MTMR12: variants seen among roughly 807,000 people sequenced by gnomAD.
The protein encoded by MTMR12 is myotubularin related protein 12, also known as myotubularin-related protein 12.
A neutral mutation model predicts 96.7 loss-of-function variants in MTMR12; 33 were observed. The observed-to-expected ratio is 0.34, with a 90% CI of 0.26 to 0.46. The LOEUF (loss-of-function observed/expected upper bound fraction) is 0.46, where lower values mean the gene tolerates loss of function less well. MTMR12 is among the 20% of genes least tolerant of loss of function. The pLI is 1.00. For missense variants in MTMR12, 721 were observed against 896.1 expected (o/e 0.80, Z 2.49); for synonymous variants, 298 against 327.2 (o/e 0.91, Z 0.96).
intron 7 of MTMR12, among the ~76,000 whole-genome samples, chr5:32,260,794 T>A (rs1005045366): frequency 1.3e-5 from 2 of 151,528 alleles, no homozygotes; most frequent in Non-Finnish European, 2.9e-5. Flanking sequence ...TCAAAACTGA[T>A]TACTGAAGAG....
chr5:32,281,099 T>C (rs575124814), intron 1 of MTMR12, among the ~76,000 whole-genome samples: 56 of 151,532 alleles, frequency 3.7e-4, no homozygotes, highest in African/African-American at 1.2e-3. Context: ...AATACAAAAA[T>C]TGGCAGGATG....
intron 7 of MTMR12, among the ~76,000 whole-genome samples, chr5:32,256,121 A>G (rs918851217): frequency 3.9e-5 from 6 of 152,228 alleles, no homozygotes; most frequent in African/African-American, 1.4e-4. Context: ...CTCATATAGT[A>G]GCCATATAAG....
chr5:32,261,804 G>C (rs1749368101), intron 7 of MTMR12, among the ~76,000 whole-genome samples: 1 of 152,230 alleles, frequency 6.6e-6, no homozygotes, highest in Non-Finnish European at 1.5e-5. Flanking sequence ...CGGGCGCAAT[G>C]GCTCACACCT....
In MTMR12 at chr5:32,241,029, TGAAG is replaced by T. The variant is rs1201192027; in HGVS notation, c.1171+1024_1171+1027del. ...GACAATTCAGTAGTCCATCCAGGAG[TGAAG>T]GATTTCTCAGTTCTATCAGTCAAAG... On this transcript the variant is annotated intron_variant, in intron 12 of 15. Coordinates refer to ENST00000382142, the MANE Select transcript of MTMR12 (RefSeq NM_001040446.3). Among the ~76,000 whole-genome samples the T allele has an allele frequency of 4.5e-4, 69 of 152,092 alleles. 1 individual carries two copies. The East Asian group carries it at 9.9e-3, about 22-fold the overall frequency.
intron 10 of MTMR12, among the ~76,000 whole-genome samples, chr5:32,245,189 C>G (rs772305347): frequency 3.0e-4 from 45 of 152,184 alleles, no homozygotes; most frequent in Admixed American, 6.5e-5. Flanking sequence ...GTGCCCACCA[C>G]CATGCCTGGC....
chr5:32,287,158 T>C (rs1392027992), intron 1 of MTMR12, among the ~76,000 whole-genome samples: 1 of 152,206 alleles, frequency 6.6e-6, no homozygotes, highest in South Asian at 2.1e-4. Flanking sequence ...AGAATGGCCA[T>C]GTGATGGTTA....
chr5:32,258,867 G>T (rs1052681530), intron 7 of MTMR12, among the ~76,000 whole-genome samples: 4 of 134,312 alleles, frequency 3.0e-5, no homozygotes, highest in Admixed American at 8.2e-5. Flanking sequence ...TACACTGTTA[G>T]TTCATCGGTG....
chr5:32,243,592 A>G lies in MTMR12; in HGVS notation c.1029T>C (p.Ser343=), dbSNP rs1187959266. The change falls in exon 11 of 16, where the codon AGT becomes AGC. Residue 343 remains serine, a synonymous_variant. Coordinates refer to ENST00000382142, the MANE Select transcript of MTMR12 (RefSeq NM_001040446.3). ...TTATATCTGTGTCCCAAAATTCAGT[A>G]CTGTTATCTGAAAAAAGAAAAAGGA... The part of the protein sequence containing the change: ...KFKQLFLIDN[S]TEFWDTDIKW... The G allele has an allele frequency of 1.9e-6, 3 of 1,605,538 alleles. No homozygotes were observed. The highest frequency in any genetic ancestry group is 1.7e-5 in the Admixed American group (1 of 59,802).
At chr5:32,230,435 G>T in intron 15 of MTMR12, 88 bp from the exon 16 acceptor site, 1 of 1,256,486 alleles carries the variant, frequency 8.0e-7, no homozygotes, top group Non-Finnish European at 1.1e-6. Flanking sequence ...GCATAACCCT[G>T]CTTTAACAAG....
intron 6 of MTMR12, among the ~76,000 whole-genome samples, chr5:32,265,051 A>C (rs1488762614): frequency 6.6e-6 from 1 of 152,202 alleles, no homozygotes; most frequent in East Asian, 1.9e-4. Context: ...TAGGCAATGC[A>C]AGGAAGTCCT....
chr5:32,248,765 T>C lies in MTMR12; in HGVS notation c.896+7A>G, dbSNP rs1043777218. 6.2e-7 allele frequency: 1 copy of C among 1,608,722 alleles called. No individual in the cohort carries two copies. ...GAACAAGAACAAAATGTAGAACTAG[T>C]ACTGACCCATCTAAGAAGCTCTTTT... On this transcript the variant is annotated splice_region_variant and intron_variant, in intron 9 of 15. Coordinates refer to ENST00000382142, the MANE Select transcript of MTMR12 (RefSeq NM_001040446.3).
At chr5:32,297,090 G>A (rs955176316) in intron 1 of MTMR12, among the ~76,000 whole-genome samples, 6 of 148,052 alleles carry the variant, frequency 4.1e-5, no homozygotes, top group South Asian at 4.3e-4. Flanking sequence ...GTGACAGAGC[G>A]AGACTCCGTC....
At position 32,229,809 on chromosome 5, in the gene MTMR12, T is replaced by C. The variant is rs1747917876; in HGVS notation, c.2213A>G (p.Glu738Gly). The C allele has an allele frequency of 1.3e-6, 2 of 1,556,060 alleles. No homozygotes were observed. The highest frequency in any genetic ancestry group is 4.5e-5 in the East Asian group (2 of 44,290). ...ATCCCCTAGGTCCACGAACTCATCT[T>C]CTCGTTTGGCCAAATCGTCTTCATC... ...LGDEDDLAKR[E>G]DEFVDLGDV The change falls in exon 16 of 16, where the codon GAA (glutamate) becomes GGA (glycine). Residue 738 changes from glutamate (E) to glycine (G), a missense_variant. Physicochemically the swap from Glu to Gly is moderately conservative, Grantham distance 98. Coordinates refer to ENST00000382142, the MANE Select transcript of MTMR12 (RefSeq NM_001040446.3).
intron 1 of MTMR12, among the ~76,000 whole-genome samples, chr5:32,296,976 G>A (rs1331614185): frequency 1.3e-5 from 2 of 151,426 alleles, no homozygotes; most frequent in African/African-American, 2.4e-5. Context: ...GATGGCGGGC[G>A]CCTGTAGTCC....
chr5:32,261,424 C>T (rs186657579), intron 7 of MTMR12, among the ~76,000 whole-genome samples: 178 of 152,162 alleles, frequency 1.2e-3, no homozygotes, highest in Non-Finnish European at 1.8e-3. Flanking sequence ...GCTCCTCCCT[C>T]GGGTGTCCTC....
intron 1 of MTMR12, among the ~76,000 whole-genome samples, chr5:32,299,076 TACAC>T (rs1305155902): frequency 6.7e-6 from 1 of 149,328 alleles, no homozygotes; most frequent in African/African-American, 2.5e-5. Context: ...CACATACACA[TACAC>T]ACACACGCAC....
intron 1 of MTMR12, among the ~76,000 whole-genome samples, chr5:32,302,941 C>A (rs528261765): frequency 2.0e-5 from 3 of 152,250 alleles, no homozygotes; most frequent in South Asian, 4.1e-4. Flanking sequence ...GAAAGAGTTA[C>A]CACACAAGGA....
intron 7 of MTMR12, 143 bp downstream of exon 7, chr5:32,262,970 G>T: frequency 2.0e-6 from 2 of 1,005,516 alleles, no homozygotes; most frequent in Non-Finnish European, 2.8e-6. Context: ...GACAGCCAAT[G>T]GGTATGGAGT....
chr5:32,269,676 G>T (rs1749756700), intron 5 of MTMR12, among the ~76,000 whole-genome samples: 1 of 152,120 alleles, frequency 6.6e-6, no homozygotes, highest in African/African-American at 2.4e-5. Context: ...TTTCTCAAAA[G>T]CAAAGTGCTA....
Sources: allele counts gnomAD v4.1 joint callset (sites outside exome capture counted in the v4.1 genomes callset), GRCh38; gene constraint gnomAD v4.1.1; transcripts MANE v1.5; gene names NCBI Gene and HGNC (gene_info 2026-07-23, HGNC 2026-07-21).